The following KCNQ1 variants were observed in gnomAD, a reference collection of about 807,000 sequenced individuals.
KCNQ1 encodes the protein potassium voltage-gated channel subfamily Q member 1.
In KCNQ1, 49 loss-of-function variants were observed where a neutral mutation model predicts 72.4. The ratio of observed to expected loss-of-function variants is 0.68; its 90% CI spans 0.54 to 0.86. KCNQ1 has a LOEUF of 0.86. Among genes scored for constraint, KCNQ1 ranks in the 40% least tolerant of loss-of-function variants. The pLI is 0.00. For synonymous variants in KCNQ1, 450 were observed against 412.6 expected, an observed-to-expected ratio of 1.09 and a Z score of -1.10; for missense variants, 790 against 945.1, an observed-to-expected ratio of 0.84 and a Z score of 2.15.
intron 8 of KCNQ1, among the ~76,000 whole-genome samples, 187 bp from the exon 9 acceptor site, chr11:2,587,383 C>A (rs948609263): frequency 6.6e-6 from 1 of 152,212 alleles, no homozygotes; most frequent in African/African-American, 2.4e-5. Context: ...AGGGACCAAG[C>A]CAGGCTGCCT....
At position 2,456,767 on chromosome 11, in the gene KCNQ1, A is replaced by C. The variant is rs1285912993; in HGVS notation, c.386+11283A>C. 1.3e-3 allele frequency among the ~76,000 whole-genome samples: 126 copies of C among 95,852 alleles called. 8 individuals carry two copies. The highest frequency in any genetic ancestry group is 6.1e-3 in the African/African-American group (113 of 18,458). The allele number at this position is 95,852 out of a possible 152,430, so 62.9% of individuals were successfully genotyped here. On this transcript the variant is annotated intron_variant, in intron 1 of 15. Transcript: ENST00000155840. ...AAACCCTGTCTCTACTAAAAATCCA[A>C]AAAAAAAAAAAAAAAAAAAAAATTA... is the stretch of plus-strand genomic sequence containing the variant.
chr11:2,549,601 C>G lies in KCNQ1; in HGVS notation c.478-21027C>G, dbSNP rs1029571429. ...TGCTCATAGCACAGCTGGGACACTT[C>G]CAGTGACTGCTCTGCGAGGCCCGGG... On this transcript the variant is annotated intron_variant, in intron 2 of 15. Transcript: ENST00000155840. The surrounding 1 kb of genome is among the most constrained non-coding windows in gnomAD (Gnocchi z 6.2). Among the ~76,000 whole-genome samples, 1 of 151,248 alleles carries G rather than the reference C, an allele frequency of 6.6e-6. No individual in the cohort carries two copies. Among genetic ancestry groups the G allele is most frequent in the East Asian group, 1.9e-4 (1 of 5,152 alleles).
chr11:2,776,978 C>T lies in KCNQ1; in HGVS notation c.1686-8C>T, dbSNP rs1370612311. 4 of 1,614,064 alleles carry T rather than the reference C, an allele frequency of 2.5e-6. No individual in the cohort carries two copies. In the South Asian group the frequency reaches 4.4e-5, roughly 18 times the overall value. ...GGTGTGAACTGGTGTCTGTGTCCTT[C>T]TCTCCAGGCTGGACCAGTCCATTGG... On this transcript the variant is annotated splice_polypyrimidine_tract_variant and splice_region_variant and intron_variant, in intron 13 of 15. Transcript: ENST00000155840.
chr11:2,802,724 G>T (rs992583363), intron 15 of KCNQ1, among the ~76,000 whole-genome samples: 1 of 152,200 alleles, frequency 6.6e-6, no homozygotes, highest in Non-Finnish European at 1.5e-5. Flanking sequence ...GGAAGGAGGC[G>T]TTTGCAGGGC....
chr11:2,721,481 C>T (rs1414109756), intron 11 of KCNQ1, among the ~76,000 whole-genome samples: 1 of 152,244 alleles, frequency 6.6e-6, no homozygotes, highest in Non-Finnish European at 1.5e-5. Context: ...GGGGCAGGTC[C>T]AGGGATGTGT....
At chr11:2,736,805 C>T (rs1845965960) in intron 11 of KCNQ1, among the ~76,000 whole-genome samples, 1 of 152,244 alleles carries the variant, frequency 6.6e-6, no homozygotes, top group Non-Finnish European at 1.5e-5. Flanking sequence ...TGCGCCTCTG[C>T]TGGGCCTGGT....
rs959293285 is a variant in KCNQ1, at chr11:2,497,795, T to A, written c.387-30133T>A. Among the ~76,000 whole-genome samples the A allele has an allele frequency of 1.2e-4, 19 of 152,226 alleles. No homozygotes were observed. The highest frequency in any genetic ancestry group is 4.3e-4 in the African/African-American group (18 of 41,466). On this transcript the variant is annotated intron_variant, in intron 1 of 15. Coordinates refer to ENST00000155840, the MANE Select transcript of KCNQ1 (RefSeq NM_000218.3). The surrounding 1 kb of genome is among the most constrained non-coding windows in gnomAD (Gnocchi z 4.5). ...ATTTTTGTGCTGGTTTTTCCTCATC[T>A]TTGTGGATTTATCTGCCTTTGCTCT...
intron 15 of KCNQ1, among the ~76,000 whole-genome samples, chr11:2,799,523 G>C (rs772711464): frequency 6.6e-6 from 1 of 151,726 alleles, no homozygotes; most frequent in Admixed American, 6.6e-5. Context: ...TTCTACGTGT[G>C]AGTGTGGTGT....
At chr11:2,688,914 C>T (rs959601281) in intron 11 of KCNQ1, 1 of 398,898 alleles carries the variant, frequency 2.5e-6, no homozygotes, top group Non-Finnish European at 4.4e-6. Context: ...AGGGCCACCC[C>T]ACACAGGCCT....
intron 1 of KCNQ1, among the ~76,000 whole-genome samples, chr11:2,499,746 A>C (rs1846980025): frequency 6.6e-6 from 1 of 152,306 alleles, no homozygotes; most frequent in East Asian, 1.9e-4. Context: ...TGATAAAGGG[A>C]TCAATTCAGC....
chr11:2,695,682 G>A lies in KCNQ1; in HGVS notation c.1514+33601G>A, dbSNP rs976062212. 9 of 398,510 alleles carry A rather than the reference G, an allele frequency of 2.3e-5. No individual in the cohort carries two copies. The highest frequency in any genetic ancestry group is 4.0e-5 in the Non-Finnish European group (9 of 226,084). 24.7% of individuals were successfully genotyped at this position (398,510 alleles called of 1,614,324 possible). ...TTATTTGAGGAAGAAGTGTTGGCCA[G>A]CTCTTCAGAACGTCTGTGCCTGTCT... On this transcript the variant is annotated intron_variant, in intron 11 of 15. Transcript: ENST00000155840. This position sits in a 1 kb window ranked among gnomAD's most constrained non-coding sequence, Gnocchi z 5.2.
In KCNQ1 at chr11:2,620,948, G is replaced by T. The variant is rs1368900835; in HGVS notation, c.1393+32094G>T. 1.4e-4 allele frequency: 53 copies of T among 386,612 alleles called. No homozygotes were observed. The highest frequency in any genetic ancestry group is 1.3e-3 in the Middle Eastern group (2 of 1,554). 23.9% of individuals were successfully genotyped at this position (386,612 alleles called of 1,614,324 possible). A position where few individuals can be genotyped will look rare whatever the true frequency, so the allele number is the denominator to read the frequency against. On this transcript the variant is annotated intron_variant, in intron 10 of 15. Coordinates refer to ENST00000155840, the MANE Select transcript of KCNQ1 (RefSeq NM_000218.3). This position sits in a 1 kb window ranked among gnomAD's most constrained non-coding sequence, Gnocchi z 4.5. Reference sequence around the variant, plus strand: ...TTTTTTGTTGTTGTTGTTTTGTTTTGTTTTTTTTTGTCTGTTTTTTGCTTT... The same window carrying T: ...TTTTTTGTTGTTGTTGTTTTGTTTTTTTTTTTTTTGTCTGTTTTTTGCTTT...
chr11:2,753,714 A>G (rs1044584929), intron 11 of KCNQ1, among the ~76,000 whole-genome samples: 4 of 152,190 alleles, frequency 2.6e-5, no homozygotes, highest in Non-Finnish European at 5.9e-5. Context: ...CCCCATGGGG[A>G]TGGCTTGTGA....
In KCNQ1 at chr11:2,516,932, G is replaced by A. The variant is rs913257774; in HGVS notation, c.387-10996G>A. 2.0e-5 allele frequency among the ~76,000 whole-genome samples: 3 copies of A among 152,080 alleles called. No individual in the cohort carries two copies. Among genetic ancestry groups the A allele is most frequent in the Admixed American group, 6.6e-5 (1 of 15,260 alleles). ...TCACCGGGAAGCTTCCTGGCTGCCC[G>A]AGGGTCCCCCAGCACCTGTCCCTCT... On this transcript the variant is annotated intron_variant, in intron 1 of 15. Coordinates refer to ENST00000155840, the MANE Select transcript of KCNQ1 (RefSeq NM_000218.3). This position sits in a 1 kb window ranked among gnomAD's most constrained non-coding sequence, Gnocchi z 7.0.
At chr11:2,672,818 T>G (rs973786308) in intron 11 of KCNQ1, 3 of 398,736 alleles carry the variant, frequency 7.5e-6, no homozygotes, top group East Asian at 7.1e-5. Flanking sequence ...CTGGACCAAG[T>G]GACCCCAACT....
Position 2,684,009 on chromosome 11 carries a change from C to T in KCNQ1, c.1514+21928C>T, listed in dbSNP as rs546015085. The T allele has an allele frequency of 5.5e-5, 22 of 398,036 alleles. No individual in the cohort carries two copies. The South Asian group carries it at 2.3e-3, about 42-fold the overall frequency. 24.7% of individuals were successfully genotyped at this position (398,036 alleles called of 1,614,324 possible). A position where few individuals can be genotyped will look rare whatever the true frequency, so the allele number is the denominator to read the frequency against. ...GAATTTCCTTGGCAACTCCGTCTCT[C>T]CTTAGTCAACATCAGCTAACTTCAT... On this transcript the variant is annotated intron_variant, in intron 11 of 15. Transcript: ENST00000155840.
chr11:2,812,745 C>G (rs1218739240), intron 15 of KCNQ1, among the ~76,000 whole-genome samples: 1 of 152,102 alleles, frequency 6.6e-6, no homozygotes, highest in Non-Finnish European at 1.5e-5. Flanking sequence ...TGGCCGTGGG[C>G]CCCACGCCCC....
intron 15 of KCNQ1, among the ~76,000 whole-genome samples, chr11:2,810,876 C>T (rs536539330): frequency 2.0e-5 from 3 of 152,166 alleles, no homozygotes; most frequent in South Asian, 2.1e-4. Flanking sequence ...GGCTGGCAGC[C>T]GGGAGTCCCA....
intron 10 of KCNQ1, chr11:2,655,827 A>G (rs1264511254): frequency 7.5e-6 from 3 of 398,534 alleles, no homozygotes; most frequent in Non-Finnish European, 1.3e-5. Flanking sequence ...ACAAGCCAGC[A>G]GACAATAACC....
Sources: allele counts gnomAD v4.1 joint callset (sites outside exome capture counted in the v4.1 genomes callset), GRCh38; gene constraint gnomAD v4.1.1; non-coding constraint Gnocchi (gnomAD v3.1); transcripts MANE v1.5; gene names NCBI Gene and HGNC (gene_info 2026-07-23, HGNC 2026-07-21).